OPCML: variants seen among roughly 807,000 people sequenced by gnomAD.
The protein encoded by OPCML is opioid binding protein/cell adhesion molecule like, also known as opioid-binding protein/cell adhesion molecule.
A neutral mutation model predicts 37.8 loss-of-function variants in OPCML; 13 were observed. That is an observed-to-expected ratio of 0.34 (90% CI 0.22 to 0.55). OPCML has a LOEUF of 0.55. Among genes scored for constraint, OPCML ranks in the 20% least tolerant of loss-of-function variants. OPCML has a pLI of 0.91. For synonymous variants in OPCML, 176 were observed against 168.8 expected (o/e 1.04, Z -0.33); for missense variants, 341 against 435.6 (o/e 0.78, Z 1.93).
rs536591753 is a variant in OPCML at position 132,911,655 on chromosome 11, G to T, written c.146+31271C>A. Among the ~76,000 whole-genome samples the T allele has an allele frequency of 2.5e-3, 382 of 152,254 alleles. 1 individual carries two copies. Among genetic ancestry groups the T allele is most frequent in the Non-Finnish European group, 4.8e-3 (326 of 68,036 alleles). On this transcript the variant is annotated intron_variant, in intron 2 of 7. Coordinates refer to ENST00000524381, the MANE Select transcript of OPCML (RefSeq NM_001012393.5). ...GCCTTGGCATCACATGCACTGAGGGGACCCTTCTCCTCTGTCCTCACACTC... is the reference window on the plus strand; with the variant it reads ...GCCTTGGCATCACATGCACTGAGGGTACCCTTCTCCTCTGTCCTCACACTC...
rs1309198475 is a variant in OPCML, at chr11:133,140,994, AGAAGACGACGACGACGACGAC to A, written c.62-198005_62-197985del. Among the ~76,000 whole-genome samples the A allele has an allele frequency of 7.3e-4, 3 of 4,090 alleles. 1 individual carries two copies. Among genetic ancestry groups the A allele is most frequent in the African/African-American group, 1.3e-3 (3 of 2,326 alleles). The allele number at this position is 4,090 out of a possible 152,430, so 2.7% of individuals were successfully genotyped here. On this transcript the variant is annotated intron_variant, in intron 1 of 7. Transcript: ENST00000524381. ...AAGAAGAAGAAGAAGAAGAAGAAGA[AGAAGACGACGACGACGACGAC>A]GACGACGACGACGACGACGACGACG...
chr11:133,001,320 A>G (rs1946997763), intron 1 of OPCML, among the ~76,000 whole-genome samples: 2 of 152,234 alleles, frequency 1.3e-5, no homozygotes, highest in Admixed American at 1.3e-4. Flanking sequence ...AGACACACCA[A>G]TGCATGGCCC....
chr11:133,144,398 C>T (rs1333947882), intron 1 of OPCML, among the ~76,000 whole-genome samples: 5 of 152,240 alleles, frequency 3.3e-5, no homozygotes, highest in Non-Finnish European at 7.3e-5. Context: ...TGACCCTCTT[C>T]AGCAATAATG....
chr11:132,681,848 A>G (rs148890802), intron 2 of OPCML, among the ~76,000 whole-genome samples: 7,562 of 151,990 alleles, frequency 0.05, 578 homozygotes, highest in African/African-American at 0.16. Flanking sequence ...CCAGCTACTC[A>G]GGAGGCTGAG....
At chr11:133,011,621 T>G (rs991884669) in intron 1 of OPCML, among the ~76,000 whole-genome samples, 5 of 152,104 alleles carry the variant, frequency 3.3e-5, no homozygotes, top group Non-Finnish European at 5.9e-5. Context: ...CCAGGTATAT[T>G]GTTTTAATAG....
At chr11:133,096,838 C>T (rs913937381) in intron 1 of OPCML, among the ~76,000 whole-genome samples, 3 of 152,074 alleles carry the variant, frequency 2.0e-5, no homozygotes, top group East Asian at 1.9e-4. Context: ...TATTCCAAGA[C>T]GACACAGCAA....
intron 1 of OPCML, among the ~76,000 whole-genome samples, chr11:133,165,733 G>A (rs558394956): frequency 1.3e-5 from 2 of 152,206 alleles, no homozygotes; most frequent in Non-Finnish European, 2.9e-5. Flanking sequence ...CTGTGCGCTG[G>A]CAGGCCCTCT....
chr11:132,606,712 G>C (rs866161027), intron 3 of OPCML, among the ~76,000 whole-genome samples: 1 of 152,078 alleles, frequency 6.6e-6, no homozygotes, highest in Non-Finnish European at 1.5e-5. Flanking sequence ...GCCAATTAGG[G>C]CATGTTCCTG....
intron 1 of OPCML, among the ~76,000 whole-genome samples, chr11:132,972,547 A>C (rs1946368352): frequency 6.6e-6 from 1 of 152,236 alleles, no homozygotes. Flanking sequence ...GTTTTTATTA[A>C]AGCCATCGTT....
intron 1 of OPCML, among the ~76,000 whole-genome samples, chr11:133,141,767 C>T (rs61453029): frequency 0.011 from 1,675 of 152,248 alleles, 32 homozygotes; most frequent in African/African-American, 0.039. Flanking sequence ...AAATGTTTCC[C>T]CCTAATTTCC....
intron 3 of OPCML, among the ~76,000 whole-genome samples, chr11:132,652,719 A>T (rs910143149): frequency 2.6e-5 from 4 of 152,144 alleles, no homozygotes; most frequent in Admixed American, 2.6e-4. Flanking sequence ...TTTTAGAACA[A>T]TCTCTTAGCT....
chr11:133,102,260 A>T (rs946203956), intron 1 of OPCML, among the ~76,000 whole-genome samples: 1 of 152,100 alleles, frequency 6.6e-6, no homozygotes, highest in Admixed American at 6.5e-5. Context: ...GTAGTGTGAG[A>T]TGTTGACAAT....
chr11:132,633,209 CTCT>C (rs1385480268), intron 3 of OPCML, among the ~76,000 whole-genome samples: 2 of 152,060 alleles, frequency 1.3e-5, no homozygotes, highest in Admixed American at 6.6e-5. Flanking sequence ...GTAGCTCTCT[CTCT>C]TTTTTTCTGA....
intron 1 of OPCML, among the ~76,000 whole-genome samples, chr11:133,180,249 G>T (rs1296733995): frequency 1.3e-5 from 2 of 152,116 alleles, no homozygotes; most frequent in Non-Finnish European, 2.9e-5. Flanking sequence ...GGACCCTCAC[G>T]TGTGCGTTCA....
intron 4 of OPCML, among the ~76,000 whole-genome samples, chr11:132,479,391 C>T (rs191176418): frequency 2.5e-4 from 38 of 152,334 alleles, no homozygotes; most frequent in Admixed American, 9.8e-4. Flanking sequence ...CGGAATCTCG[C>T]TGATTGCTAG....
chr11:133,261,140 A>T (rs1941482418), intron 1 of OPCML, among the ~76,000 whole-genome samples: 1 of 152,212 alleles, frequency 6.6e-6, no homozygotes, highest in South Asian at 2.1e-4. Flanking sequence ...ATATCACTTG[A>T]TATAGTTTCA....
chr11:133,520,078 T>C (rs554231239), intron 1 of OPCML, among the ~76,000 whole-genome samples: 2 of 152,200 alleles, frequency 1.3e-5, no homozygotes, highest in Admixed American at 6.5e-5. Context: ...AGAGCAGCTC[T>C]CCACCCCACC....
At position 132,684,228 on chromosome 11, in the gene OPCML, C is replaced by T. The variant is rs1033651054; in HGVS notation, c.147-26909G>A. Among the ~76,000 whole-genome samples the T allele has an allele frequency of 6.6e-5, 10 of 152,222 alleles. No homozygotes were observed. In the Middle Eastern group the frequency reaches 0.01, roughly 155 times the overall value. Reference sequence around the variant, plus strand: ...AAGTTAGCTCCTGCTATACTAGTGGCTATTATAAATATATATGCTAGACAC... The same window carrying T: ...AAGTTAGCTCCTGCTATACTAGTGGTTATTATAAATATATATGCTAGACAC... On this transcript the variant is annotated intron_variant, in intron 2 of 7. Coordinates refer to ENST00000524381, the MANE Select transcript of OPCML (RefSeq NM_001012393.5).
intron 3 of OPCML, among the ~76,000 whole-genome samples, chr11:132,632,841 G>C (rs1428506128): frequency 6.6e-6 from 1 of 151,778 alleles, no homozygotes; most frequent in Admixed American, 6.6e-5. Flanking sequence ...CAACTGTTCA[G>C]ATGGGCAGGG....
Sources: gnomAD v4.1 joint callset for allele counts (sites outside exome capture counted in the v4.1 genomes callset) on GRCh38, gnomAD v4.1.1 for gene constraint, MANE v1.5 for transcripts, NCBI Gene and HGNC (gene_info 2026-07-23, HGNC 2026-07-21) for gene names.